The following MTOR variants were observed in gnomAD, a reference collection of about 807,000 sequenced individuals.
The protein encoded by MTOR is mechanistic target of rapamycin kinase, also known as serine/threonine-protein kinase mTOR.
A neutral mutation model predicts 319.8 loss-of-function variants in MTOR; 70 were observed. The ratio of observed to expected loss-of-function variants is 0.22; its 90% confidence interval spans 0.18 to 0.27. The LOEUF is 0.27. Ranked by LOEUF, MTOR falls within the 10% of genes least tolerant of loss-of-function variation. MTOR has a pLI of 1.00. For synonymous variants in MTOR, 1,183 were observed against 1,211.4 expected (o/e 0.98, Z 0.49); for missense variants, 1,890 against 3,274.4 (o/e 0.58, Z 10.32).
chr1:11,225,479 T>C (rs1646803031), intron 19 of MTOR, among the ~76,000 whole-genome samples: 2 of 150,648 alleles, frequency 1.3e-5, no homozygotes, highest in African/African-American at 2.4e-5. Flanking sequence ...TGGAGTGCAA[T>C]GGCACAATCT....
At position 11,115,523 on chromosome 1, in the gene MTOR, A is replaced by T. The variant is rs1570910162; in HGVS notation, c.7017-55T>A. 1.3e-6 allele frequency: 2 copies of T among 1,545,862 alleles called. No homozygotes were observed. The highest frequency in any genetic ancestry group is 4.5e-5 in the East Asian group (2 of 44,516). On this transcript the variant is annotated intron_variant, in intron 50 of 57. Transcript: ENST00000361445. The surrounding 1 kb of genome is among the most constrained non-coding windows in gnomAD (Gnocchi z 4.5). ...GGATCAACAGAGATAACGGATGAAA[A>T]AATCAATAAGTACGTGATACTGTAA...
Position 11,121,240 on chromosome 1 carries a change from G to C in MTOR, c.6933+6C>G. ...GAGCGCAGGTCTGCAGGGCCCAGTGGCCTACCTCGGAGCTGGGGCTTTTCA... is the reference window on the plus strand; with the variant it reads ...GAGCGCAGGTCTGCAGGGCCCAGTGCCCTACCTCGGAGCTGGGGCTTTTCA... On this transcript the variant is annotated splice_donor_region_variant and intron_variant, in intron 49 of 57. Transcript: ENST00000361445. This position sits in a 1 kb window ranked among gnomAD's most constrained non-coding sequence, Gnocchi z 4.9. 6.2e-7 allele frequency: 1 copy of C among 1,612,824 alleles called. No homozygotes were observed.
chr1:11,198,034 G>A (rs997947497), intron 28 of MTOR, among the ~76,000 whole-genome samples: 1 of 152,148 alleles, frequency 6.6e-6, no homozygotes, highest in African/African-American at 2.4e-5. Flanking sequence ...AAAAATTAAG[G>A]GTGGAATTGG....
intron 30 of MTOR, among the ~76,000 whole-genome samples, chr1:11,154,205 A>G (rs1022874939): frequency 9.3e-5 from 14 of 151,002 alleles, no homozygotes; most frequent in African/African-American, 3.4e-4. Context: ...CAACAGCTTT[A>G]GTTATATAAA....
intron 13 of MTOR, among the ~76,000 whole-genome samples, chr1:11,236,597 TC>T (rs2100892685): frequency 6.7e-6 from 1 of 148,536 alleles, no homozygotes; most frequent in South Asian, 2.1e-4. Context: ...AACCTTCACC[TC>T]CTGGGTTCAA....
chr1:11,141,372 C>T (rs1482860977), intron 34 of MTOR, among the ~76,000 whole-genome samples: 1 of 151,940 alleles, frequency 6.6e-6, no homozygotes, highest in Non-Finnish European at 1.5e-5. Context: ...CTCAGCCTCC[C>T]AATGTGCTGG....
chr1:11,203,446 G>A (rs1280563045), intron 26 of MTOR, among the ~76,000 whole-genome samples: 1 of 151,908 alleles, frequency 6.6e-6, no homozygotes, highest in Non-Finnish European at 1.5e-5. Flanking sequence ...AGGCCAAGGT[G>A]AGCAGATCAC....
At chr1:11,189,462 C>G in intron 28 of MTOR, 8 of 1,217,154 alleles carry the variant, frequency 6.6e-6, no homozygotes, top group Non-Finnish European at 9.1e-6. Context: ...AACAAAGTGG[C>G]GAGGCCCTCA....
At chr1:11,154,860 AG>A (rs1266828135) in intron 30 of MTOR, among the ~76,000 whole-genome samples, 1 of 151,762 alleles carries the variant, frequency 6.6e-6, no homozygotes, top group Non-Finnish European at 1.5e-5. Context: ...AAAAAAAAAA[AG>A]AAGGCTGTGC....
At chr1:11,136,427 A>G (rs1643420480) in intron 36 of MTOR, among the ~76,000 whole-genome samples, 1 of 152,258 alleles carries the variant, frequency 6.6e-6, no homozygotes, top group Non-Finnish European at 1.5e-5. Flanking sequence ...ACCAACTTTG[A>G]AAAATGAACT....
At chr1:11,170,065 G>C (rs1294277626) in intron 28 of MTOR, among the ~76,000 whole-genome samples, 1 of 152,236 alleles carries the variant, frequency 6.6e-6, no homozygotes, top group East Asian at 1.9e-4. Flanking sequence ...TGCTTCTTGA[G>C]CTGGTACTAA....
At chr1:11,255,867 T>G in intron 5 of MTOR, 125 bp downstream of exon 5, 2 of 759,638 alleles carry the variant, frequency 2.6e-6, no homozygotes, top group African/African-American at 1.8e-5. Flanking sequence ...AAAAAAAAAT[T>G]CATTTGAGAG....
At chr1:11,254,972 C>A (rs1008386250) in intron 5 of MTOR, among the ~76,000 whole-genome samples, 1 of 152,118 alleles carries the variant, frequency 6.6e-6, no homozygotes, top group East Asian at 1.9e-4. Context: ...ACATGCTGCC[C>A]AGGCTGGTCT....
Position 11,121,432 on chromosome 1 carries a change from G to T in MTOR, c.6811-64C>A. 1 of 1,599,766 alleles carries T rather than the reference G, an allele frequency of 6.3e-7. No individual in the cohort carries two copies. Among genetic ancestry groups the T allele is most frequent in the Admixed American group, 1.7e-5 (1 of 59,334 alleles). ...AAGACATGTAGTTTGGGTCCAGGAA[G>T]AAACAAGGCTTGGGGTCCAGGCAGA... On this transcript the variant is annotated intron_variant, in intron 48 of 57. Coordinates refer to ENST00000361445, the MANE Select transcript of MTOR (RefSeq NM_004958.4). This position sits in a 1 kb window ranked among gnomAD's most constrained non-coding sequence, Gnocchi z 4.9.
chr1:11,146,644 A>T, intron 32 of MTOR, 32 bp downstream of exon 32: 14 of 1,554,386 alleles, frequency 9.0e-6, no homozygotes, highest in Non-Finnish European at 1.2e-5. Flanking sequence ...TCTTTTCCTC[A>T]CTGAGAGATC....
intron 28 of MTOR, among the ~76,000 whole-genome samples, chr1:11,186,506 G>A (rs1336013375): frequency 6.6e-6 from 1 of 152,158 alleles, no homozygotes; most frequent in Non-Finnish European, 1.5e-5. Context: ...GGAGCACCAA[G>A]CTAGCCCTCT....
intron 33 of MTOR, 69 bp downstream of exon 33, chr1:11,144,899 T>C (rs1643882104): frequency 6.4e-7 from 1 of 1,566,592 alleles, no homozygotes; most frequent in African/African-American, 1.3e-5. Flanking sequence ...AAGTTCTCAA[T>C]AGCCCATTCT....
In MTOR at chr1:11,127,472, A is replaced by G. The variant is rs528042475; in HGVS notation, c.6216+152T>C. On this transcript the variant is annotated intron_variant, in intron 44 of 57. Coordinates refer to ENST00000361445, the MANE Select transcript of MTOR (RefSeq NM_004958.4). The surrounding 1 kb of genome is among the most constrained non-coding windows in gnomAD (Gnocchi z 5.5). Reference sequence around the variant, plus strand: ...TGTGACCTCCATCAGAGCTCGTTTTATTAAAGTCAGTGGAAAGGCCAGAGG... The same window carrying G: ...TGTGACCTCCATCAGAGCTCGTTTTGTTAAAGTCAGTGGAAAGGCCAGAGG... 1.1e-6 allele frequency: 1 copy of G among 934,246 alleles called. No homozygotes were observed. Among genetic ancestry groups the G allele is most frequent in the Non-Finnish European group, 1.6e-6 (1 of 642,122 alleles). 57.9% of individuals were successfully genotyped at this position (934,246 alleles called of 1,614,324 possible). A position where few individuals can be genotyped will look rare whatever the true frequency, so the allele number is the denominator to read the frequency against.
chr1:11,122,204 G>GTTT, intron 47 of MTOR, 78 bp from the exon 48 acceptor site: 1 of 1,375,222 alleles, frequency 7.3e-7, no homozygotes, highest in African/African-American at 1.4e-5. Context: ...CAGGCAGACT[G>GTTT]TTTTTTTTTT....
Sources: allele counts gnomAD v4.1 joint callset (sites outside exome capture counted in the v4.1 genomes callset), GRCh38; gene constraint gnomAD v4.1.1; non-coding constraint Gnocchi (gnomAD v3.1); transcripts MANE v1.5; gene names NCBI Gene and HGNC (gene_info 2026-07-23, HGNC 2026-07-21).